Variants in KAZN observed in about 807,000 individuals in gnomAD.
KAZN encodes the protein kazrin, periplakin interacting protein, also known as kazrin.
KAZN carries 40 observed loss-of-function variants against 87.4 expected under a neutral mutation model. The observed-to-expected ratio is 0.46, with a 90% CI of 0.36 to 0.60. KAZN has a LOEUF of 0.60. KAZN is among the 20% of genes least tolerant of loss of function. The probability of loss-of-function intolerance (pLI) is 0.00; values close to 1 mark genes in which losing one functional copy is unlikely to be tolerated. For missense variants in KAZN, 898 were observed against 1,073.9 expected (o/e 0.84, Z 2.29); for synonymous variants, 466 against 458.3 (o/e 1.02, Z -0.22).
chr1:14,532,018 C>T (rs534319307), intron 2 of KAZN, among the ~76,000 whole-genome samples: 5 of 152,188 alleles, frequency 3.3e-5, no homozygotes, highest in African/African-American at 9.6e-5. Context: ...ACTGGTTTCA[C>T]GTGCTCTTTT....
At chr1:14,137,199 G>C (rs867561853) in intron 1 of KAZN, among the ~76,000 whole-genome samples, 8 of 152,310 alleles carry the variant, frequency 5.3e-5, no homozygotes, top group Middle Eastern at 3.4e-3. Flanking sequence ...GAATATGCTT[G>C]GGTGGGATCA....
At chr1:14,035,644 A>ATTT (rs111800884) in intron 1 of KAZN, among the ~76,000 whole-genome samples, 6 of 145,134 alleles carry the variant, frequency 4.1e-5, no homozygotes, top group South Asian at 2.2e-4. Context: ...TAATTTTTGT[A>ATTT]TTTTTTTTTT....
chr1:14,554,088 T>G (rs1673714145), intron 2 of KAZN, among the ~76,000 whole-genome samples: 1 of 152,092 alleles, frequency 6.6e-6, no homozygotes, highest in African/African-American at 2.4e-5. Context: ...CCTCCCTAGC[T>G]GAGGAACTTG....
At position 15,077,652 on chromosome 1, in the gene KAZN, TG is replaced by T. The variant is rs1319080123; in HGVS notation, c.1222+11904del. On this transcript the variant is annotated intron_variant, in intron 8 of 14. Coordinates refer to ENST00000376030, the MANE Select transcript of KAZN (RefSeq NM_201628.3). This position sits in a 1 kb window ranked among gnomAD's most constrained non-coding sequence, Gnocchi z 4.8. ...TACCGGAGTCTCTGGGACTCAGAGATGGGGGTTGGGGGTTTCACCTTCAGGT... is the reference window on the plus strand; with the variant it reads ...TACCGGAGTCTCTGGGACTCAGAGATGGGGTTGGGGGTTTCACCTTCAGGT... Among the ~76,000 whole-genome samples, 1 of 152,022 alleles carries T rather than the reference TG, an allele frequency of 6.6e-6. No individual in the cohort carries two copies. The highest frequency in any genetic ancestry group is 1.5e-5 in the Non-Finnish European group (1 of 67,992).
At chr1:14,622,689 CAA>C (rs3087165) in intron 1 of KAZN, among the ~76,000 whole-genome samples, 14 of 113,398 alleles carry the variant, frequency 1.2e-4, no homozygotes, top group Admixed American at 1.8e-4. Context: ...GACTCCATCT[CAA>C]AAAAAAAAAA....
chr1:14,693,479 C>T (rs1219630588), intron 1 of KAZN, among the ~76,000 whole-genome samples: 2 of 152,170 alleles, frequency 1.3e-5, no homozygotes, highest in South Asian at 2.1e-4. Flanking sequence ...ATGCTGGACT[C>T]GTCTTACGTT....
intron 1 of KAZN, among the ~76,000 whole-genome samples, chr1:14,718,268 GCCA>G (rs1642912327): frequency 6.6e-6 from 1 of 152,126 alleles, no homozygotes; most frequent in South Asian, 2.1e-4. Context: ...GGTTTATGTT[GCCA>G]CCACATTTGT....
intron 2 of KAZN, among the ~76,000 whole-genome samples, chr1:14,991,269 C>T (rs1024438500): frequency 5.3e-5 from 8 of 152,042 alleles, no homozygotes; most frequent in African/African-American, 1.4e-4. Flanking sequence ...GCAGGAGAAT[C>T]GCTTGAACCC....
chr1:14,628,391 T>TAA (rs897173663), intron 1 of KAZN, among the ~76,000 whole-genome samples: 55 of 152,314 alleles, frequency 3.6e-4, no homozygotes, highest in African/African-American at 1.3e-3. Flanking sequence ...AGGCCTTGTT[T>TAA]AAAAATTTAG....
intron 1 of KAZN, among the ~76,000 whole-genome samples, chr1:13,978,157 T>C (rs1441025395): frequency 7.7e-6 from 1 of 129,992 alleles, no homozygotes; most frequent in Non-Finnish European, 1.6e-5. Context: ...AAAAAGGCAA[T>C]TGTTGGATTC....
At chr1:14,945,980 G>C in intron 1 of KAZN, 5 of 917,656 alleles carry the variant, frequency 5.4e-6, no homozygotes, top group Non-Finnish European at 6.5e-6. Context: ...GCTTGCTGGG[G>C]CTTTTTATCT....
intron 2 of KAZN, among the ~76,000 whole-genome samples, chr1:14,370,112 T>C (rs746294923): frequency 6.6e-6 from 1 of 152,044 alleles, no homozygotes; most frequent in Non-Finnish European, 1.5e-5. Context: ...AAATGCTGGA[T>C]GGAAAGGGTC....
At chr1:15,088,435 G>A (rs1330626840) in intron 8 of KAZN, among the ~76,000 whole-genome samples, 2 of 152,116 alleles carry the variant, frequency 1.3e-5, no homozygotes, top group Non-Finnish European at 2.9e-5. Context: ...ACAGCCTCTC[G>A]TTCCAAAGTC....
At chr1:14,700,253 C>G (rs1220799488) in intron 1 of KAZN, among the ~76,000 whole-genome samples, 1 of 152,146 alleles carries the variant, frequency 6.6e-6, no homozygotes, top group Non-Finnish European at 1.5e-5. Flanking sequence ...TGTAACTGAT[C>G]ACGAGGTCAG....
intron 1 of KAZN, among the ~76,000 whole-genome samples, chr1:13,979,341 T>G (rs1340229439): frequency 6.6e-6 from 1 of 152,174 alleles, no homozygotes. Context: ...CAATAGCTAA[T>G]TTCTCAACAA....
At chr1:14,082,637 C>T (rs1389213882) in intron 1 of KAZN, among the ~76,000 whole-genome samples, 1 of 152,200 alleles carries the variant, frequency 6.6e-6, no homozygotes, top group Non-Finnish European at 1.5e-5. Flanking sequence ...AGTCCGAGCA[C>T]CATGAAGCAG....
chr1:14,471,336 A>G (rs1179551192), intron 2 of KAZN, among the ~76,000 whole-genome samples: 1 of 152,226 alleles, frequency 6.6e-6, no homozygotes, highest in Non-Finnish European at 1.5e-5. Context: ...ACACATATTC[A>G]GGCATAAAAG....
At chr1:14,109,890 T>A (rs1339274234) in intron 1 of KAZN, among the ~76,000 whole-genome samples, 4 of 101,578 alleles carry the variant, frequency 3.9e-5, no homozygotes, top group Non-Finnish European at 6.1e-5. Context: ...TGTAAAAATC[T>A]GTTCTAAAAG....
In KAZN at chr1:14,449,444, C is replaced by A. The variant is rs145442098; in HGVS notation, c.250-149539C>A. On this transcript the variant is annotated intron_variant, in intron 2 of 16. Coordinates refer to the KAZN transcript ENST00000636203. Reference sequence around the variant, plus strand: ...CTCAGAAACCTGGATGATGCTCTTGCACTGACCTTGAGCTTAAAGCTTCTT... The same window carrying A: ...CTCAGAAACCTGGATGATGCTCTTGAACTGACCTTGAGCTTAAAGCTTCTT... 1.1e-3 allele frequency among the ~76,000 whole-genome samples: 166 copies of A among 152,340 alleles called. 1 individual carries two copies. The highest frequency in any genetic ancestry group is 3.2e-3 in the African/African-American group (132 of 41,582).
Sources: gnomAD v4.1 joint callset for allele counts (sites outside exome capture counted in the v4.1 genomes callset) on GRCh38, gnomAD v4.1.1 for gene constraint, Gnocchi (gnomAD v3.1) non-coding constraint, MANE v1.5 for transcripts, NCBI Gene and HGNC (gene_info 2026-07-23, HGNC 2026-07-21) for gene names.